The following UGT1A6 variants were observed in gnomAD, a reference collection of about 807,000 sequenced individuals.
The protein encoded by UGT1A6 is UDP glucuronosyltransferase family 1 member A6.
Under a neutral mutation model 44.4 loss-of-function variants are expected in UGT1A6, and 32 were observed. The observed-to-expected ratio is 0.72, with a 90% CI of 0.54 to 0.97. The LOEUF is 0.97. Among genes scored for constraint, UGT1A6 ranks in the 50% least tolerant of loss-of-function variants. UGT1A6 has a pLI of 0.00. For synonymous variants in UGT1A6, 238 were observed against 248.5 expected (o/e 0.96, Z 0.40); for missense variants, 685 against 661.9 (o/e 1.03, Z -0.38).
intron 1 of UGT1A6, among the ~76,000 whole-genome samples, chr2:233,763,573 CTCTT>C (rs1698348195): frequency 1.3e-5 from 2 of 152,188 alleles, no homozygotes; most frequent in African/African-American, 4.8e-5. Flanking sequence ...TTCTTATTTT[CTCTT>C]TCTTCCTTTG....
chr2:233,736,695 G>A (rs1463496904), intron 1 of UGT1A6, among the ~76,000 whole-genome samples: 1 of 152,174 alleles, frequency 6.6e-6, no homozygotes, highest in Admixed American at 6.5e-5. Context: ...CTACAGATGG[G>A]GTTTTGGTGT....
At chr2:233,709,811 T>C (rs1202095229) in intron 1 of UGT1A6, among the ~76,000 whole-genome samples, 2 of 152,254 alleles carry the variant, frequency 1.3e-5, no homozygotes, top group Admixed American at 6.5e-5. Context: ...TTCTGAGTTG[T>C]AATGATTTTA....
chr2:233,734,579 T>C (rs1163010771), intron 1 of UGT1A6, among the ~76,000 whole-genome samples: 20 of 152,230 alleles, frequency 1.3e-4, no homozygotes, highest in Non-Finnish European at 2.9e-5. Context: ...TTGCTCTTGC[T>C]TATCTAGTTC....
chr2:233,703,941 A>G (rs2075759906), intron 1 of UGT1A6, among the ~76,000 whole-genome samples: 1 of 151,570 alleles, frequency 6.6e-6, no homozygotes, highest in African/African-American at 2.4e-5. Context: ...CCCAGACTGG[A>G]GTGCAGTGGT....
intron 1 of UGT1A6, among the ~76,000 whole-genome samples, chr2:233,698,442 C>G (rs2075441449): frequency 1.3e-5 from 2 of 152,140 alleles, no homozygotes; most frequent in African/African-American, 4.8e-5. Flanking sequence ...GAAGATATAT[C>G]ACAGATCATA....
chr2:233,751,532 C>A (rs1375355946), intron 1 of UGT1A6, among the ~76,000 whole-genome samples: 5 of 152,214 alleles, frequency 3.3e-5, no homozygotes, highest in Admixed American at 6.5e-5. Context: ...TATGGTTTGA[C>A]TCTGTGTTTC....
intron 1 of UGT1A6, chr2:233,754,831 A>G (rs1459496565): frequency 1.5e-6 from 2 of 1,342,814 alleles, no homozygotes; most frequent in Non-Finnish European, 2.0e-6. Flanking sequence ...AAAGCTGGAA[A>G]TTCACTGAAG....
Position 233,761,136 on chromosome 2 carries a change from A to G in UGT1A6, c.862-5898A>G, listed in dbSNP as rs142418984. On this transcript the variant is annotated intron_variant, in intron 1 of 4. Coordinates refer to ENST00000305139, the MANE Select transcript of UGT1A6 (RefSeq NM_001072.4). ...TTGGTGGAATCAACTGCCTTCACCA[A>G]AATCCACTATCCCAGGTGTGTATTG... 13 of 1,614,222 alleles carry G rather than the reference A, an allele frequency of 8.1e-6. No individual in the cohort carries two copies. The highest frequency in any genetic ancestry group is 1.1e-5 in the Non-Finnish European group (13 of 1,180,048).
Position 233,768,378 on chromosome 2 carries a change from G to T in UGT1A6, c.1240G>T (p.Val414Phe). 6.2e-7 allele frequency: 1 copy of T among 1,614,156 alleles called. No homozygotes were observed. The highest frequency in any genetic ancestry group is 1.1e-5 in the South Asian group (1 of 91,088). ...ETKGAGVTLNVLEMTSEDLEN... is the reference protein window; with the variant it reads ...ETKGAGVTLNFLEMTSEDLEN... ...TAAGGGAGCTGGAGTGACCCTGAAT[G>T]TTCTGGAAATGACTTCTGAAGATTT... Residue 414 changes from valine (V) to phenylalanine (F), a missense_variant, in exon 4 of 5, where the codon GTT (valine) becomes TTT (phenylalanine). Transcript: ENST00000305139.
chr2:233,723,199 A>G (rs111421853), intron 1 of UGT1A6, among the ~76,000 whole-genome samples: 3,458 of 129,646 alleles, frequency 0.027, 116 homozygotes, highest in African/African-American at 0.11. Context: ...TGTGGTAAAA[A>G]AAGTCAAAAC....
At chr2:233,718,119 C>T (rs2076631088) in intron 1 of UGT1A6, 1 of 304,720 alleles carries the variant, frequency 3.3e-6, no homozygotes, top group Non-Finnish European at 6.6e-6. Context: ...CCTCTTATTC[C>T]ATGGTGTAGA....
In UGT1A6 at chr2:233,714,784, C is replaced by T. The variant is rs564838268; in HGVS notation, c.861+20919C>T. Among the ~76,000 whole-genome samples, 4 of 152,314 alleles carry T rather than the reference C, an allele frequency of 2.6e-5. No individual in the cohort carries two copies. The East Asian group carries it at 7.7e-4, about 29-fold the overall frequency. ...AGTATATCTCAATTTGGAATAGCCA[C>T]ATTTCAAGTGCTCAATATTCATATG... is the stretch of plus-strand genomic sequence containing the variant. On this transcript the variant is annotated intron_variant, in intron 1 of 4. Coordinates refer to ENST00000305139, the MANE Select transcript of UGT1A6 (RefSeq NM_001072.4).
chr2:233,738,197 T>A (rs1427013274), intron 1 of UGT1A6, among the ~76,000 whole-genome samples: 18 of 152,174 alleles, frequency 1.2e-4, no homozygotes, highest in Admixed American at 1.2e-3. Flanking sequence ...TGCCTCTCTC[T>A]CACTTTCTGC....
At position 233,769,881 on chromosome 2, in the gene UGT1A6, G is replaced by A. The variant is rs1425583978; in HGVS notation, c.1301+1442G>A. The A allele has an allele frequency of 1.5e-5, 6 of 409,146 alleles. No homozygotes were observed. The highest frequency in any genetic ancestry group is 2.0e-5 in the African/African-American group (1 of 48,904). 25.3% of individuals were successfully genotyped at this position (409,146 alleles called of 1,614,324 possible). Reference sequence around the variant, plus strand: ...TCAAAAAAAAAAAAAAAAATGAAAAGTCCACATAACCTGAGCATCATGTGC... The same window carrying A: ...TCAAAAAAAAAAAAAAAAATGAAAAATCCACATAACCTGAGCATCATGTGC... On this transcript the variant is annotated intron_variant, in intron 4 of 4. Coordinates refer to ENST00000305139, the MANE Select transcript of UGT1A6 (RefSeq NM_001072.4). This position sits in a 1 kb window ranked among gnomAD's most constrained non-coding sequence, Gnocchi z 4.4.
intron 1 of UGT1A6, chr2:233,760,742 C>A (rs760143782): frequency 6.2e-7 from 1 of 1,614,166 alleles, no homozygotes; most frequent in Non-Finnish European, 8.5e-7. Flanking sequence ...CTGACGGACC[C>A]TTTCCTTCCT....
chr2:233,758,463 T>A (rs1240923270), intron 1 of UGT1A6, among the ~76,000 whole-genome samples: 1 of 152,228 alleles, frequency 6.6e-6, no homozygotes, highest in Admixed American at 6.5e-5. Flanking sequence ...ATTATCACCC[T>A]TAAGGTTTAA....
At chr2:233,744,610 G>T (rs1221206555) in intron 1 of UGT1A6, among the ~76,000 whole-genome samples, 1 of 151,880 alleles carries the variant, frequency 6.6e-6, no homozygotes, top group Non-Finnish European at 1.5e-5. Flanking sequence ...TTAGTACTTG[G>T]CTCTATAGAG....
At position 233,767,169 on chromosome 2, in the gene UGT1A6, A is replaced by G; in HGVS notation, c.993+4A>G. On this transcript the variant is annotated splice_donor_region_variant and intron_variant, in intron 2 of 4. Coordinates refer to ENST00000305139, the MANE Select transcript of UGT1A6 (RefSeq NM_001072.4). The stretch of plus-strand genomic sequence containing the variant: ...TTTGGGCAAAATCCCTCAGACAGTA[A>G]GAAGATTCTATACCATGGCCTCATA... 1.2e-6 allele frequency: 2 copies of G among 1,614,122 alleles called. No homozygotes were observed. The highest frequency in any genetic ancestry group is 1.7e-6 in the Non-Finnish European group (2 of 1,180,012).
chr2:233,724,364 G>C (rs1172748596), intron 1 of UGT1A6, among the ~76,000 whole-genome samples: 12 of 145,710 alleles, frequency 8.2e-5, no homozygotes, highest in Non-Finnish European at 1.2e-4. Flanking sequence ...CCTCCCGGAC[G>C]GGGTGGCTGC....
Sources: gnomAD v4.1 joint callset for allele counts (sites outside exome capture counted in the v4.1 genomes callset) on GRCh38, gnomAD v4.1.1 for gene constraint, Gnocchi (gnomAD v3.1) non-coding constraint, MANE v1.5 for transcripts, NCBI Gene and HGNC (gene_info 2026-07-23, HGNC 2026-07-21) for gene names.